The following FIGN variants were observed in gnomAD, a reference collection of about 807,000 sequenced individuals.
FIGN encodes the protein fidgetin, microtubule severing factor, also known as fidgetin.
FIGN carries 11 observed loss-of-function variants against 51.3 expected under a neutral mutation model. That is an observed-to-expected ratio of 0.21 (90% CI 0.13 to 0.35). The LOEUF is 0.35. Ranked by LOEUF, FIGN falls within the 10% of genes least tolerant of loss-of-function variation. The probability of loss-of-function intolerance (pLI) is 1.00; values close to 1 mark genes in which losing one functional copy is unlikely to be tolerated. For missense variants in FIGN, 857 were observed against 943.6 expected (o/e 0.91, Z 1.20); for synonymous variants, 407 against 363.2 (o/e 1.12, Z -1.37).
chr2:163,731,862 T>C (rs1684935417), intron 2 of FIGN, among the ~76,000 whole-genome samples: 1 of 152,148 alleles, frequency 6.6e-6, no homozygotes, highest in Non-Finnish European at 1.5e-5. Context: ...GAGACTTTAT[T>C]ACCCTGCTAT....
At chr2:163,633,448 CT>C (rs1173327355) in intron 2 of FIGN, among the ~76,000 whole-genome samples, 1 of 152,130 alleles carries the variant, frequency 6.6e-6, no homozygotes, top group Non-Finnish European at 1.5e-5. Flanking sequence ...AGTCACACAG[CT>C]AATATGCGTA....
Position 163,711,524 on chromosome 2 carries a change from G to A in FIGN, c.25+23379C>T, listed in dbSNP as rs73019719. Among the ~76,000 whole-genome samples the A allele has an allele frequency of 5.2e-3, 787 of 152,140 alleles. 6 individuals are homozygous for A. The highest frequency in any genetic ancestry group is 0.018 in the African/African-American group (751 of 41,488). ...TCCTTTCCTCAAGAAATTAAATGCT[G>A]TAGCAGGACTTTAAATCCCCCCACT... On this transcript the variant is annotated intron_variant, in intron 2 of 2. Transcript: ENST00000333129.
At chr2:163,699,775 A>T (rs1032381174) in intron 2 of FIGN, among the ~76,000 whole-genome samples, 12 of 152,136 alleles carry the variant, frequency 7.9e-5, no homozygotes, top group Non-Finnish European at 2.9e-5. Flanking sequence ...CTGTACAGAA[A>T]TTTTTTTGGT....
intron 2 of FIGN, among the ~76,000 whole-genome samples, chr2:163,640,923 T>C (rs953411756): frequency 3.3e-5 from 5 of 152,208 alleles, no homozygotes; most frequent in Admixed American, 2.6e-4. Context: ...AGTCTCTTCC[T>C]TGTCCCTTAA....
At chr2:163,704,264 C>G (rs1461077094) in intron 2 of FIGN, among the ~76,000 whole-genome samples, 1 of 152,016 alleles carries the variant, frequency 6.6e-6, no homozygotes, top group Non-Finnish European at 1.5e-5. Flanking sequence ...TCTTTATAAG[C>G]ATTAACTAAT....
At chr2:163,671,685 T>C (rs911179756) in intron 2 of FIGN, among the ~76,000 whole-genome samples, 6 of 152,174 alleles carry the variant, frequency 3.9e-5, no homozygotes, top group Non-Finnish European at 7.4e-5. Context: ...TCTTGCAGTT[T>C]TTTGTAACTA....
rs770080369 is a variant in FIGN, at chr2:163,610,867, T to A, written c.965A>T (p.Tyr322Phe). ...GTCCATATCTCCTTGCCCTGCCATG[T>A]AGAAAGCTTTCCTTTTGAGAGAACT... ...SASSLKRKAF[Y>F]MAGQGDMDSS... Residue 322 changes from tyrosine to phenylalanine, a missense_variant, in exon 3 of 3, where the codon TAC (tyrosine) becomes TTC (phenylalanine). Coordinates refer to ENST00000333129, the MANE Select transcript of FIGN (RefSeq NM_018086.4). The A allele has an allele frequency of 6.2e-7, 1 of 1,613,842 alleles. No homozygotes were observed. Among genetic ancestry groups the A allele is most frequent in the Non-Finnish European group, 8.5e-7 (1 of 1,179,946 alleles).
intron 2 of FIGN, among the ~76,000 whole-genome samples, chr2:163,712,885 A>C (rs1160432504): frequency 1.3e-5 from 2 of 152,336 alleles, no homozygotes; most frequent in Middle Eastern, 3.4e-3. Flanking sequence ...TAAAAGCAAA[A>C]GCTATTATAG....
At chr2:163,632,285 T>A (rs2105311477) in intron 2 of FIGN, among the ~76,000 whole-genome samples, 1 of 152,290 alleles carries the variant, frequency 6.6e-6, no homozygotes, top group African/African-American at 2.4e-5. Flanking sequence ...CTGGAAAGCG[T>A]GGGTTCAAAT....
At chr2:163,619,483 A>G (rs1682933179) in intron 2 of FIGN, among the ~76,000 whole-genome samples, 2 of 152,152 alleles carry the variant, frequency 1.3e-5, no homozygotes, top group South Asian at 4.1e-4. Context: ...TGGGTTCTCT[A>G]CAATGCATTA....
intron 2 of FIGN, among the ~76,000 whole-genome samples, chr2:163,690,366 C>T (rs1684221725): frequency 6.6e-6 from 1 of 152,072 alleles, no homozygotes; most frequent in Non-Finnish European, 1.5e-5. Context: ...TACATTTATA[C>T]ATTTATGGGG....
At chr2:163,622,503 T>G (rs1682990535) in intron 2 of FIGN, among the ~76,000 whole-genome samples, 1 of 152,080 alleles carries the variant, frequency 6.6e-6, no homozygotes, top group Non-Finnish European at 1.5e-5. Flanking sequence ...TAGCAGTGTT[T>G]GCTAATAATT....
intron 2 of FIGN, among the ~76,000 whole-genome samples, chr2:163,697,312 G>A (rs991117726): frequency 6.6e-6 from 1 of 151,656 alleles, no homozygotes; most frequent in African/African-American, 2.4e-5. Context: ...AGTTGGCCAG[G>A]CTGGTCTTGA....
chr2:163,690,887 T>C (rs2105345136), intron 2 of FIGN, among the ~76,000 whole-genome samples: 1 of 152,176 alleles, frequency 6.6e-6, no homozygotes, highest in African/African-American at 2.4e-5. Context: ...ACAGGCCTTC[T>C]CATGATTTTT....
intron 2 of FIGN, among the ~76,000 whole-genome samples, chr2:163,624,239 C>G (rs1416196855): frequency 6.6e-6 from 1 of 151,778 alleles, no homozygotes; most frequent in East Asian, 1.9e-4. Flanking sequence ...AAAAATTAGT[C>G]TGATAATTAG....
chr2:163,719,467 A>G (rs952414249), intron 2 of FIGN, among the ~76,000 whole-genome samples: 1 of 152,168 alleles, frequency 6.6e-6, no homozygotes, highest in African/African-American at 2.4e-5. Flanking sequence ...CTGACTTCCC[A>G]TAACAAAATG....
At chr2:163,711,577 T>A (rs1279933636) in intron 2 of FIGN, among the ~76,000 whole-genome samples, 1 of 151,100 alleles carries the variant, frequency 6.6e-6, no homozygotes, top group Non-Finnish European at 1.5e-5. Context: ...CCATGTAACC[T>A]GCAGTTCCTG....
At chr2:163,691,359 A>G (rs1319330628) in intron 2 of FIGN, among the ~76,000 whole-genome samples, 1 of 152,142 alleles carries the variant, frequency 6.6e-6, no homozygotes, top group East Asian at 1.9e-4. Context: ...CTCTGCCTTT[A>G]TTTTCACAAG....
At chr2:163,691,050 A>C (rs1684232335) in intron 2 of FIGN, among the ~76,000 whole-genome samples, 1 of 152,176 alleles carries the variant, frequency 6.6e-6, no homozygotes, top group Non-Finnish European at 1.5e-5. Flanking sequence ...TCTTTTGCTT[A>C]GAGTGAGGAT....
Sources: allele counts gnomAD v4.1 joint callset (sites outside exome capture counted in the v4.1 genomes callset), GRCh38; gene constraint gnomAD v4.1.1; transcripts MANE v1.5; gene names NCBI Gene and HGNC (gene_info 2026-07-23, HGNC 2026-07-21).